The following GRIK3 variants were observed in gnomAD, a reference collection of about 807,000 sequenced individuals.
The protein encoded by GRIK3 is glutamate receptor ionotropic, kainate 3.
Under a neutral mutation model 102.5 loss-of-function variants are expected in GRIK3, and 29 were observed. That is an observed-to-expected ratio of 0.28 (90% CI 0.21 to 0.39). GRIK3 has a LOEUF of 0.39. Among genes scored for constraint, GRIK3 ranks in the 10% least tolerant of loss-of-function variants. The pLI, the probability that GRIK3 is intolerant of heterozygous loss-of-function variation, is 1.00. For synonymous variants in GRIK3, 511 were observed against 504.9 expected (o/e 1.01, Z -0.16); for missense variants, 908 against 1,252.4 (o/e 0.73, Z 4.15).
At chr1:37,023,132 G>C (rs1642733292) in intron 1 of GRIK3, among the ~76,000 whole-genome samples, 1 of 152,084 alleles carries the variant, frequency 6.6e-6, no homozygotes, top group African/African-American at 2.4e-5. Flanking sequence ...TTCGAGACCA[G>C]CCTGGCCAAC....
intron 1 of GRIK3, among the ~76,000 whole-genome samples, chr1:36,938,561 C>T (rs1641685252): frequency 6.6e-6 from 1 of 152,056 alleles, no homozygotes; most frequent in African/African-American, 2.4e-5. Flanking sequence ...GCTGAAAGGC[C>T]AGGAGATGAA....
At chr1:36,861,992 A>G (rs954767883) in intron 5 of GRIK3, among the ~76,000 whole-genome samples, 5 of 152,110 alleles carry the variant, frequency 3.3e-5, no homozygotes, top group African/African-American at 9.7e-5. Context: ...CTTCATCTTC[A>G]CAGCCCCCTG....
intron 1 of GRIK3, among the ~76,000 whole-genome samples, chr1:36,939,912 A>G (rs946355307): frequency 1.3e-5 from 2 of 152,146 alleles, no homozygotes; most frequent in Non-Finnish European, 2.9e-5. Flanking sequence ...TCTCTATCAT[A>G]CCTGAAAAGT....
intron 1 of GRIK3, among the ~76,000 whole-genome samples, chr1:36,991,598 C>T (rs1336221014): frequency 1.3e-5 from 2 of 152,230 alleles, no homozygotes; most frequent in Non-Finnish European, 2.9e-5. Context: ...GCCACACCAC[C>T]AGCCAGGGAG....
At chr1:36,986,840 C>T (rs150956723) in intron 1 of GRIK3, among the ~76,000 whole-genome samples, 14 of 152,326 alleles carry the variant, frequency 9.2e-5, no homozygotes, top group Admixed American at 2.6e-4. Flanking sequence ...TGTCTTGTGA[C>T]AGTTTTAGCT....
chr1:36,831,753 A>G (rs1213257297), intron 10 of GRIK3, among the ~76,000 whole-genome samples: 2 of 152,234 alleles, frequency 1.3e-5, no homozygotes, highest in Admixed American at 1.3e-4. Flanking sequence ...GAGGAACTGA[A>G]TTTATACTTT....
At chr1:36,987,722 A>G (rs1411039971) in intron 1 of GRIK3, among the ~76,000 whole-genome samples, 3 of 152,262 alleles carry the variant, frequency 2.0e-5, no homozygotes, top group African/African-American at 7.2e-5. Context: ...GCATGGGTAT[A>G]TGGGTACAGC....
At chr1:36,930,418 T>G (rs555501451) in intron 1 of GRIK3, among the ~76,000 whole-genome samples, 6 of 152,320 alleles carry the variant, frequency 3.9e-5, no homozygotes, top group South Asian at 4.1e-4. Flanking sequence ...CTTGACCTTG[T>G]GGAATCATAA....
At chr1:36,887,339 A>C (rs564998616) in intron 2 of GRIK3, among the ~76,000 whole-genome samples, 4 of 152,358 alleles carry the variant, frequency 2.6e-5, no homozygotes, top group African/African-American at 7.2e-5. Flanking sequence ...GATAAATTGG[A>C]CTTCTTTAAA....
chr1:36,980,731 C>T (rs900710294), intron 1 of GRIK3, among the ~76,000 whole-genome samples: 7 of 151,986 alleles, frequency 4.6e-5, no homozygotes, highest in African/African-American at 9.7e-5. Flanking sequence ...AGAGCATAAC[C>T]GAAGCAACAA....
chr1:37,024,673 G>A (rs1642749388), intron 1 of GRIK3, among the ~76,000 whole-genome samples: 1 of 148,272 alleles, frequency 6.7e-6, no homozygotes, highest in Admixed American at 6.8e-5. Flanking sequence ...AACCCAGGAA[G>A]TGGAGGTTGC....
At chr1:36,953,805 G>T (rs1390615092) in intron 1 of GRIK3, among the ~76,000 whole-genome samples, 1 of 152,134 alleles carries the variant, frequency 6.6e-6, no homozygotes, top group Admixed American at 6.5e-5. Context: ...GCTCACACAG[G>T]CTTCACTCGC....
intron 1 of GRIK3, among the ~76,000 whole-genome samples, chr1:36,984,622 G>A (rs534720837): frequency 1.2e-4 from 18 of 152,342 alleles, no homozygotes; most frequent in African/African-American, 3.4e-4. Context: ...GGAGGAGTGG[G>A]GCATGGATGG....
Position 36,825,812 on chromosome 1 carries a change from G to A in GRIK3, c.1545C>T (p.Ala515=), listed in dbSNP as rs769859438. The change falls in exon 11 of 16, where the codon GCC becomes GCT. Residue 515 remains alanine (A), a synonymous_variant. Coordinates refer to ENST00000373091, the MANE Select transcript of GRIK3 (RefSeq NM_000831.4). The stretch of plus-strand genomic sequence containing the variant: ...CATGGGTGATGGTCAGGGGGGCCAC[G>A]GCCAGATCTGCCTTCTGCAACCAGA... ...KELIDHKADL[A]VAPLTITHVR... 3.9e-5 allele frequency: 62 copies of A among 1,609,346 alleles called. No individual in the cohort carries two copies. The highest frequency in any genetic ancestry group is 5.1e-5 in the Non-Finnish European group (60 of 1,177,494).
At chr1:36,941,142 T>C (rs1393289499) in intron 1 of GRIK3, among the ~76,000 whole-genome samples, 2 of 152,082 alleles carry the variant, frequency 1.3e-5, no homozygotes, top group Non-Finnish European at 2.9e-5. Flanking sequence ...AGGTCTCCCA[T>C]GATAGAATGA....
intron 1 of GRIK3, among the ~76,000 whole-genome samples, chr1:37,021,122 G>C (rs199843675): frequency 9.8e-6 from 1 of 101,866 alleles, no homozygotes; most frequent in South Asian, 3.7e-4. Flanking sequence ...GTGTGTGTGT[G>C]TCTGTGAGAG....
rs111928091 is a variant in GRIK3 at position 36,840,551 on chromosome 1, C to T, written c.1530+1185G>A. On this transcript the variant is annotated intron_variant, in intron 10 of 15. Transcript: ENST00000373091. ...AACAAAGTGAGACCCTGCTCTCCAC[C>T]AAAAAAAAAAAAAAAAAAAAAAAAA... Among the ~76,000 whole-genome samples, 9 of 73,312 alleles carry T rather than the reference C, an allele frequency of 1.2e-4. No individual in the cohort carries two copies. In the South Asian group the frequency reaches 5.5e-3, roughly 45 times the overall value. 48.1% of individuals were successfully genotyped at this position (73,312 alleles called of 152,430 possible). A position where few individuals can be genotyped will look rare whatever the true frequency, so the allele number is the denominator to read the frequency against.
Position 36,825,631 on chromosome 1 carries a change from C to A in GRIK3, c.1726G>T (p.Val576Phe), listed in dbSNP as rs1170180140. ...GCGATGACGAAGAGGACACAGCTGA[C>A]CCCCAGGTAGGCGAGGAGAACATAC... ...WMYVLLAYLG[V>F]SCVLFVIARF... The change falls in exon 11 of 16, where the codon GTC becomes TTC. Residue 576 changes from valine to phenylalanine, a missense_variant. Transcript: ENST00000373091. The A allele has an allele frequency of 6.2e-7, 1 of 1,601,702 alleles. No individual in the cohort carries two copies.
At chr1:36,960,253 C>T (rs1641990721) in intron 1 of GRIK3, among the ~76,000 whole-genome samples, 1 of 150,166 alleles carries the variant, frequency 6.7e-6, no homozygotes, top group African/African-American at 2.5e-5. Context: ...AGTCTGTGTG[C>T]CCTGTGACTC....
Sources: gnomAD v4.1 joint callset for allele counts (sites outside exome capture counted in the v4.1 genomes callset) on GRCh38, gnomAD v4.1.1 for gene constraint, MANE v1.5 for transcripts, NCBI Gene and HGNC (gene_info 2026-07-23, HGNC 2026-07-21) for gene names.